SEMA3A: variants seen among roughly 807,000 people sequenced by gnomAD.
SEMA3A encodes semaphorin 3A, also known as semaphorin-3A.
Under a neutral mutation model 97.9 loss-of-function variants are expected in SEMA3A, and 29 were observed. That is an observed-to-expected ratio of 0.30 (90% CI 0.22 to 0.40). The LOEUF (loss-of-function observed/expected upper bound fraction) is 0.40. Ranked by LOEUF, SEMA3A falls within the 10% of genes least tolerant of loss-of-function variation. The pLI is 1.00. For missense variants in SEMA3A, 763 were observed against 951.3 expected (o/e 0.80, Z 2.60); for synonymous variants, 321 against 323.7 (o/e 0.99, Z 0.09).
chr7:83,961,559 T>G lies in SEMA3A; in HGVS notation c.2128A>C (p.Ile710Leu). The G allele has an allele frequency of 6.2e-7, 1 of 1,614,142 alleles. No individual in the cohort carries two copies. The highest frequency in any genetic ancestry group is 8.5e-7 in the Non-Finnish European group (1 of 1,179,980). The part of the protein sequence containing the change: ...KVWYRDFMQL[I>L]NHPNLNTMDE... ...ATTGTGTTGAGATTGGGGTGGTTGA[T>G]GAGCTGCATGAAGTCTCTGTACCAG... Residue 710 changes from isoleucine to leucine, a missense_variant, in exon 17 of 17, where the codon ATC (isoleucine) becomes CTC (leucine). This residue lies in a region of SEMA3A where 678 missense variants were observed against 881.3 expected (regional missense o/e 0.77). Transcript: ENST00000265362.
At chr7:84,032,982 A>G (rs1350510929) in intron 6 of SEMA3A, among the ~76,000 whole-genome samples, 3 of 152,058 alleles carry the variant, frequency 2.0e-5, no homozygotes, top group Non-Finnish European at 4.4e-5. Flanking sequence ...GTTGTTTTGC[A>G]CTAAAAATCT....
intron 3 of SEMA3A, among the ~76,000 whole-genome samples, chr7:84,230,390 G>C (rs574607400): frequency 3.0e-4 from 45 of 151,876 alleles, no homozygotes; most frequent in South Asian, 2.7e-3. Flanking sequence ...ACTTCAAAAC[G>C]GATATTTCTA....
intron 1 of SEMA3A, among the ~76,000 whole-genome samples, chr7:84,391,081 T>C (rs1314166662): frequency 6.6e-6 from 1 of 152,136 alleles, no homozygotes; most frequent in African/African-American, 2.4e-5. Context: ...ACTGTTTGTT[T>C]GCGAAGTTGA....
chr7:84,230,204 G>C (rs1227252484), intron 3 of SEMA3A, among the ~76,000 whole-genome samples: 1 of 151,740 alleles, frequency 6.6e-6, no homozygotes, highest in Non-Finnish European at 1.5e-5. Context: ...TTTGTTAATT[G>C]AGTCACTCTC....
chr7:84,171,095 C>T (rs955160749), intron 1 of SEMA3A, among the ~76,000 whole-genome samples: 2 of 152,078 alleles, frequency 1.3e-5, no homozygotes, highest in African/African-American at 4.8e-5. Flanking sequence ...TGATGGAATA[C>T]ACTATCACAC....
chr7:84,160,198 TGA>T (rs1796981053), intron 1 of SEMA3A, among the ~76,000 whole-genome samples: 1 of 151,786 alleles, frequency 6.6e-6, no homozygotes, highest in Admixed American at 6.6e-5. Context: ...GACTATTTAG[TGA>T]GATTAAAAAA....
At chr7:84,170,998 C>A (rs1797367086) in intron 1 of SEMA3A, among the ~76,000 whole-genome samples, 1 of 151,960 alleles carries the variant, frequency 6.6e-6, no homozygotes. Flanking sequence ...TGGAACAGCT[C>A]AATTTTGCTC....
intron 2 of SEMA3A, among the ~76,000 whole-genome samples, chr7:84,370,153 A>G (rs564885081): frequency 3.5e-4 from 53 of 151,680 alleles, no homozygotes; most frequent in African/African-American, 1.1e-3. Context: ...TGGAATAGCA[A>G]TCTTAGGAAC....
chr7:83,969,011 A>G (rs953685197), intron 15 of SEMA3A, among the ~76,000 whole-genome samples: 1 of 151,842 alleles, frequency 6.6e-6, no homozygotes, highest in African/African-American at 2.4e-5. Flanking sequence ...GGGTTTTACC[A>G]TGTTGGCCAG....
At chr7:84,172,554 T>A (rs1797419858) in intron 1 of SEMA3A, among the ~76,000 whole-genome samples, 1 of 152,162 alleles carries the variant, frequency 6.6e-6, no homozygotes, top group African/African-American at 2.4e-5. Flanking sequence ...CCCGAGTAGC[T>A]GGGACTACAG....
At chr7:84,254,464 T>A (rs1244979938) in intron 3 of SEMA3A, among the ~76,000 whole-genome samples, 1 of 152,126 alleles carries the variant, frequency 6.6e-6, no homozygotes, top group Non-Finnish European at 1.5e-5. Context: ...AGTGCTATGA[T>A]CTAAAAGTAT....
rs561046014 is a variant in SEMA3A at position 83,986,433 on chromosome 7, A to G, written c.1453-956T>C. On this transcript the variant is annotated intron_variant, in intron 12 of 16. Transcript: ENST00000265362. ...GTGTTCTTTCTGGAGCTTATCATGA[A>G]TGCATATAGGCTTGCATAAATAAAT... is the stretch of plus-strand genomic sequence containing the variant. 3.3e-5 allele frequency among the ~76,000 whole-genome samples: 5 copies of G among 152,300 alleles called. No individual in the cohort carries two copies. The East Asian group carries it at 9.7e-4, about 29-fold the overall frequency.
intron 12 of SEMA3A, among the ~76,000 whole-genome samples, chr7:83,997,589 T>C (rs1030353098): frequency 6.6e-6 from 1 of 152,074 alleles, no homozygotes; most frequent in African/African-American, 2.4e-5. Flanking sequence ...TAGCAGAGAA[T>C]ATGGAGGAGA....
chr7:84,263,863 T>C (rs984390741), intron 3 of SEMA3A, among the ~76,000 whole-genome samples: 7 of 152,190 alleles, frequency 4.6e-5, no homozygotes, highest in African/African-American at 1.7e-4. Flanking sequence ...CACTCCAACC[T>C]AAATTATAAT....
intron 1 of SEMA3A, among the ~76,000 whole-genome samples, chr7:84,398,300 A>ATACC (rs1803793790): frequency 6.6e-6 from 1 of 152,170 alleles, no homozygotes; most frequent in Non-Finnish European, 1.5e-5. Context: ...GAGGAGCTTT[A>ATACC]TACCATTTAA....
chr7:84,334,818 C>T (rs1351069702), intron 2 of SEMA3A, among the ~76,000 whole-genome samples: 1 of 151,316 alleles, frequency 6.6e-6, no homozygotes, highest in Non-Finnish European at 1.5e-5. Flanking sequence ...CCACTCCCAC[C>T]CTCCCCTCCT....
At chr7:84,304,494 G>A (rs1314831912) in intron 3 of SEMA3A, among the ~76,000 whole-genome samples, 2 of 151,900 alleles carry the variant, frequency 1.3e-5, no homozygotes, top group Non-Finnish European at 2.9e-5. Flanking sequence ...ATGGTTTTAC[G>A]AATAAGATGA....
At chr7:84,274,250 C>G (rs1222365645) in intron 3 of SEMA3A, among the ~76,000 whole-genome samples, 1 of 152,100 alleles carries the variant, frequency 6.6e-6, no homozygotes, top group Admixed American at 6.6e-5. Context: ...TAAGGTCTCA[C>G]AGGCCACTCT....
chr7:84,269,180 A>G (rs1367876637), intron 3 of SEMA3A, among the ~76,000 whole-genome samples: 2 of 152,042 alleles, frequency 1.3e-5, no homozygotes, highest in Admixed American at 1.3e-4. Context: ...TTGTTTAGTA[A>G]TTTTCATCAT....
Sources: allele counts gnomAD v4.1 joint callset (sites outside exome capture counted in the v4.1 genomes callset), GRCh38; gene constraint gnomAD v4.1.1; regional missense constraint gnomAD v4.1.1; transcripts MANE v1.5; gene names NCBI Gene and HGNC (gene_info 2026-07-23, HGNC 2026-07-21).